Variants in GAS7 observed in about 807,000 individuals in gnomAD.
The protein encoded by GAS7 is growth arrest specific 7.
A neutral mutation model predicts 71.1 loss-of-function variants in GAS7; 28 were observed. The observed-to-expected ratio is 0.39, with a 90% CI of 0.29 to 0.54. The LOEUF (loss-of-function observed/expected upper bound fraction) is 0.54, where lower values mean the gene tolerates loss of function less well. Ranked by LOEUF, GAS7 falls within the 20% of genes least tolerant of loss-of-function variation. The pLI is 0.62. For synonymous variants in GAS7, 258 were observed against 245.8 expected, an observed-to-expected ratio of 1.05 and a Z score of -0.46; for missense variants, 436 against 627.8, an observed-to-expected ratio of 0.69 and a Z score of 3.27.
At chr17:9,999,068 C>T (rs28710321) in intron 2 of GAS7, among the ~76,000 whole-genome samples, 21,393 of 152,212 alleles carry the variant, frequency 0.14, 2,075 homozygotes, top group African/African-American at 0.27. Context: ...CACACAACTG[C>T]TTCGAAACTT....
In GAS7 at chr17:10,065,409, G is replaced by C. The variant is rs141815552; in HGVS notation, c.184-45512C>G. Among the ~76,000 whole-genome samples the C allele has an allele frequency of 7.2e-5, 11 of 152,272 alleles. No homozygotes were observed. In the East Asian group the frequency reaches 1.9e-3, roughly 27 times the overall value. On this transcript the variant is annotated intron_variant, in intron 1 of 13. Coordinates refer to ENST00000432992, the MANE Select transcript of GAS7 (RefSeq NM_201433.2). Reference sequence around the variant, plus strand: ...ATTAGTATCACTGAGCTGAAATCAAGGTATTGATAGGGCCATACTCCTCCC... The same window carrying C: ...ATTAGTATCACTGAGCTGAAATCAACGTATTGATAGGGCCATACTCCTCCC...
chr17:10,032,413 C>A (rs1037217605), intron 1 of GAS7, among the ~76,000 whole-genome samples: 2 of 152,152 alleles, frequency 1.3e-5, no homozygotes, highest in African/African-American at 4.8e-5. Context: ...ATATCCTAGC[C>A]CCAACTCAGG....
chr17:10,188,628 T>TTGTG (rs563784141), intron 1 of GAS7, among the ~76,000 whole-genome samples: 35 of 151,890 alleles, frequency 2.3e-4, no homozygotes, highest in Non-Finnish European at 4.6e-4. Context: ...TTATATGGTT[T>TTGTG]TGTGTGTGTG....
chr17:10,027,646 G>C (rs776975101), intron 1 of GAS7, among the ~76,000 whole-genome samples: 1 of 152,218 alleles, frequency 6.6e-6, no homozygotes, highest in Non-Finnish European at 1.5e-5. Context: ...GCAACATGGT[G>C]CCATCTTGGA....
At chr17:10,151,725 T>C (rs2074167966) in intron 1 of GAS7, among the ~76,000 whole-genome samples, 1 of 152,124 alleles carries the variant, frequency 6.6e-6, no homozygotes, top group Non-Finnish European at 1.5e-5. Flanking sequence ...TTTTATTTTT[T>C]ACAGAGAAAG....
intron 1 of GAS7, among the ~76,000 whole-genome samples, chr17:10,124,872 C>T (rs559405676): frequency 2.0e-5 from 3 of 151,792 alleles, no homozygotes; most frequent in Admixed American, 6.6e-5. Context: ...GAGCCGAGTT[C>T]GCGCTACTGC....
chr17:10,038,760 C>T (rs2072807230), intron 1 of GAS7, among the ~76,000 whole-genome samples: 1 of 142,976 alleles, frequency 7.0e-6, no homozygotes, highest in African/African-American at 2.6e-5. Flanking sequence ...AGTGCAGTGG[C>T]GCAATCTCGG....
At chr17:10,189,027 T>G (rs931107609) in intron 1 of GAS7, among the ~76,000 whole-genome samples, 9 of 152,372 alleles carry the variant, frequency 5.9e-5, no homozygotes, top group African/African-American at 2.2e-4. Flanking sequence ...TGGGTTTTGT[T>G]GTTTTAATTT....
At chr17:10,173,166 T>C (rs2074347759) in intron 1 of GAS7, among the ~76,000 whole-genome samples, 1 of 152,140 alleles carries the variant, frequency 6.6e-6, no homozygotes, top group African/African-American at 2.4e-5. Flanking sequence ...GGTCGCCTGA[T>C]GCTGGGGGCG....
Position 10,066,690 on chromosome 17 carries a change from T to G in GAS7, c.184-46793A>C, listed in dbSNP as rs554320421. On this transcript the variant is annotated intron_variant, in intron 1 of 13. Transcript: ENST00000432992. ...ACTGTTTATTTCAAGGTCTATTAAT[T>G]AGGAAAAAACATATAAGTAGTTTGA... 3.3e-5 allele frequency among the ~76,000 whole-genome samples: 5 copies of G among 152,222 alleles called. No individual in the cohort carries two copies. The South Asian group carries it at 1.0e-3, about 32-fold the overall frequency.
At chr17:9,975,544 T>C (rs569035160) in intron 3 of GAS7, among the ~76,000 whole-genome samples, 1 of 150,282 alleles carries the variant, frequency 6.7e-6, no homozygotes, top group East Asian at 2.0e-4. Context: ...CCCCCCTTTT[T>C]CCTTCCTTCC....
chr17:10,142,494 G>A (rs1363166665), intron 1 of GAS7, among the ~76,000 whole-genome samples: 4 of 151,932 alleles, frequency 2.6e-5, no homozygotes, highest in African/African-American at 4.8e-5. Flanking sequence ...TCAGCCTCCC[G>A]AGTAGCTGGG....
At chr17:10,025,053 G>C (rs945253206) in intron 1 of GAS7, among the ~76,000 whole-genome samples, 7 of 152,166 alleles carry the variant, frequency 4.6e-5, no homozygotes, top group Non-Finnish European at 8.8e-5. Context: ...CTGAGACGCA[G>C]AGAGTTTAAT....
At chr17:10,096,731 G>A (rs966162823) in intron 1 of GAS7, among the ~76,000 whole-genome samples, 5 of 152,254 alleles carry the variant, frequency 3.3e-5, no homozygotes, top group African/African-American at 1.2e-4. Context: ...TCTCAGCGCA[G>A]GGAGGATACC....
intron 1 of GAS7, among the ~76,000 whole-genome samples, chr17:10,067,743 CCAGA>C (rs1482492489): frequency 2.0e-5 from 3 of 152,178 alleles, no homozygotes; most frequent in African/African-American, 7.2e-5. Context: ...AAAATACATC[CCAGA>C]CACTCTCCAT....
intron 1 of GAS7, among the ~76,000 whole-genome samples, chr17:10,158,963 G>A (rs1282339647): frequency 1.3e-5 from 2 of 149,478 alleles, no homozygotes; most frequent in Admixed American, 1.3e-4. Flanking sequence ...AGGCTGAGGT[G>A]AGAGGATCAT....
intron 1 of GAS7, among the ~76,000 whole-genome samples, chr17:10,108,436 T>TA (rs1466386753): frequency 1.3e-5 from 2 of 152,230 alleles, no homozygotes; most frequent in African/African-American, 4.8e-5. Context: ...AGGGTATGCT[T>TA]AACTTATTGC....
chr17:9,964,831 T>C (rs563616933), intron 4 of GAS7, among the ~76,000 whole-genome samples: 35 of 152,246 alleles, frequency 2.3e-4, no homozygotes, highest in African/African-American at 7.7e-4. Flanking sequence ...AAGACCGAAA[T>C]TGCTCAATAA....
At chr17:10,190,053 G>T (rs1220427908) in intron 1 of GAS7, among the ~76,000 whole-genome samples, 4 of 152,118 alleles carry the variant, frequency 2.6e-5, no homozygotes, top group Non-Finnish European at 5.9e-5. Context: ...TGGAACACAG[G>T]CACGCCCATT....
Sources: gnomAD v4.1 joint callset for allele counts (sites outside exome capture counted in the v4.1 genomes callset) on GRCh38, gnomAD v4.1.1 for gene constraint, MANE v1.5 for transcripts, NCBI Gene and HGNC (gene_info 2026-07-23, HGNC 2026-07-21) for gene names.